Variants in DHRSX observed in about 807,000 individuals in gnomAD.
DHRSX encodes the protein polyprenol dehydrogenase.
In DHRSX, 31 loss-of-function variants were observed where a neutral mutation model predicts 34.0. That is an observed-to-expected ratio of 0.91 (90% confidence interval 0.69 to 1.23). DHRSX has a LOEUF of 1.23. Ranked by LOEUF, DHRSX falls within the 50% of genes most tolerant of loss-of-function variation. The pLI, the probability that DHRSX is intolerant of heterozygous loss-of-function variation, is 0.00. For synonymous variants in DHRSX, 201 were observed against 183.8 expected, an observed-to-expected ratio of 1.09 and a Z score of -0.76; for missense variants, 414 against 428.1, an observed-to-expected ratio of 0.97 and a Z score of 0.29.
Position 2,247,020 on chromosome X carries a change from C to G in DHRSX, c.597-3790G>C, listed in dbSNP as rs767400915. On this transcript the variant is annotated intron_variant, in intron 5 of 6. Transcript: ENST00000334651. ...CTGGAGTGCAGTGGCGCCATCTCAG[C>G]TCACTGCAACCTCTGCCTCCTAGGT... 2.0e-5 allele frequency among the ~76,000 whole-genome samples: 3 copies of G among 152,150 alleles called. No individual in the cohort carries two copies. The South Asian group carries it at 6.2e-4, about 32-fold the overall frequency.
intron 1 of DHRSX, among the ~76,000 whole-genome samples, chrX:2,484,872 G>C (rs1273059992): frequency 7.3e-6 from 1 of 136,132 alleles, no homozygotes; most frequent in Admixed American, 7.3e-5. Context: ...CTGCACTCAC[G>C]AGCAAATGAA....
intron 1 of DHRSX, chrX:2,490,664 G>A: frequency 6.2e-7 from 1 of 1,613,958 alleles, no homozygotes; most frequent in Non-Finnish European, 8.5e-7. Context: ...CTTGGCGCGG[G>A]GGTGGGCCAC....
At chrX:2,259,321 G>GATATAT (rs1569480892) in intron 5 of DHRSX, among the ~76,000 whole-genome samples, 5 of 145,704 alleles carry the variant, frequency 3.4e-5, no homozygotes, top group African/African-American at 1.0e-4. Context: ...TAGATATATA[G>GATATAT]ATAGATATAG....
intron 6 of DHRSX, among the ~76,000 whole-genome samples, chrX:2,231,858 T>C (rs2015895046): frequency 6.7e-6 from 1 of 149,966 alleles, no homozygotes; most frequent in East Asian, 2.0e-4. Flanking sequence ...CTCCCTCTTC[T>C]TCCTCCTCCA....
chrX:2,335,390 AG>A lies in DHRSX; in HGVS notation c.287-43788del, dbSNP rs1388448156. The stretch of plus-strand genomic sequence containing the variant: ...AACACGGGGACGACTCGAAGTGGGG[AG>A]GGGGCTTCCAGGTCATAGGTGGATA... On this transcript the variant is annotated intron_variant, in intron 3 of 6. Coordinates refer to ENST00000334651, the MANE Select transcript of DHRSX (RefSeq NM_145177.3). Among the ~76,000 whole-genome samples, 31 of 151,710 alleles carry A rather than the reference AG, an allele frequency of 2.0e-4. No individual in the cohort carries two copies. In the Admixed American group the frequency reaches 2.1e-3, roughly 10 times the overall value.
chrX:2,292,195 T>A (rs2041874826), intron 3 of DHRSX, among the ~76,000 whole-genome samples: 1 of 152,204 alleles, frequency 6.6e-6, no homozygotes, highest in African/African-American at 2.4e-5. Context: ...TGATGTTTTG[T>A]GAGAGCGCCT....
intron 4 of DHRSX, among the ~76,000 whole-genome samples, chrX:2,268,650 G>T (rs747846904): frequency 7.2e-4 from 109 of 152,332 alleles, no homozygotes; most frequent in Middle Eastern, 6.8e-3. Context: ...ACATGTGCAT[G>T]AGTTTGCATG....
intron 5 of DHRSX, among the ~76,000 whole-genome samples, chrX:2,257,101 G>A (rs112467466): frequency 1.5e-4 from 23 of 152,214 alleles, no homozygotes; most frequent in Non-Finnish European, 2.5e-4. Flanking sequence ...GATTACAGGT[G>A]TGCACCCCCA....
intron 3 of DHRSX, among the ~76,000 whole-genome samples, chrX:2,311,234 G>A (rs1809993008): frequency 6.6e-6 from 1 of 151,988 alleles, no homozygotes; most frequent in South Asian, 2.1e-4. Context: ...GGGAGAGAAA[G>A]AGAGAGAGAC....
chrX:2,335,669 G>C (rs2042550289), intron 3 of DHRSX, among the ~76,000 whole-genome samples: 1 of 151,926 alleles, frequency 6.6e-6, no homozygotes, highest in African/African-American at 2.4e-5. Flanking sequence ...GGCCAGGATG[G>C]TCTTGATCTC....
At chrX:2,458,995 C>G (rs1353667466) in intron 1 of DHRSX, among the ~76,000 whole-genome samples, 2 of 151,786 alleles carry the variant, frequency 1.3e-5, no homozygotes, top group Non-Finnish European at 2.9e-5. Flanking sequence ...AAAAATTAAC[C>G]AGGTGTGGTG....
chrX:2,289,181 G>A (rs2041839079), intron 4 of DHRSX, among the ~76,000 whole-genome samples: 1 of 149,368 alleles, frequency 6.7e-6, no homozygotes, highest in African/African-American at 2.5e-5. Flanking sequence ...GCAATGGTGT[G>A]GTCTCGGCTC....
chrX:2,375,930 C>T (rs1178234927), intron 3 of DHRSX, among the ~76,000 whole-genome samples: 2 of 136,490 alleles, frequency 1.5e-5, no homozygotes, highest in African/African-American at 5.0e-5. Flanking sequence ...TGCACCCGGC[C>T]GGCTCAGTGG....
chrX:2,277,249 A>AAG (rs753077779), intron 4 of DHRSX, among the ~76,000 whole-genome samples: 3 of 8,484 alleles, frequency 3.5e-4, no homozygotes, highest in Admixed American at 7.9e-4. Flanking sequence ...AAATGGGGGA[A>AAG]AGAGAGAAAG....
intron 5 of DHRSX, among the ~76,000 whole-genome samples, chrX:2,245,696 G>A (rs183604550): frequency 0.024 from 3,560 of 147,088 alleles, 166 homozygotes; most frequent in African/African-American, 0.085. Flanking sequence ...AGTGGCTCAT[G>A]CCTGTAATCT....
chrX:2,368,708 G>C (rs755998266), intron 3 of DHRSX, among the ~76,000 whole-genome samples: 8 of 152,060 alleles, frequency 5.3e-5, no homozygotes, highest in African/African-American at 1.4e-4. Context: ...AAATTAGCCA[G>C]GCATGGTGAC....
At position 2,227,591 on chromosome X, in the gene DHRSX, AAAG is replaced by A. The variant is rs968967701; in HGVS notation, c.805-6365_805-6363del. On this transcript the variant is annotated intron_variant, in intron 6 of 6. Transcript: ENST00000334651. ...AGAAGGGAGGAAGGGAAGGATGAAAAAAGAAAAAAAAACAGGAAGGAAGCAAAG... is the reference window on the plus strand; with the variant it reads ...AGAAGGGAGGAAGGGAAGGATGAAAAAAAAAAAAACAGGAAGGAAGCAAAG... Among the ~76,000 whole-genome samples, 9 of 133,156 alleles carry A rather than the reference AAAG, an allele frequency of 6.8e-5. No homozygotes were observed. The South Asian group carries it at 7.8e-4, about 11-fold the overall frequency. The allele number at this position is 133,156 out of a possible 152,430, so 87.4% of individuals were successfully genotyped here.
chrX:2,463,274 C>G (rs28655874), intron 1 of DHRSX, among the ~76,000 whole-genome samples: 27,624 of 152,092 alleles, frequency 0.18, 3,601 homozygotes, highest in African/African-American at 0.37. Flanking sequence ...TGAGATCACA[C>G]CACTGCACTC....
At chrX:2,417,715 G>A (rs2043714847) in intron 2 of DHRSX, among the ~76,000 whole-genome samples, 2 of 151,690 alleles carry the variant, frequency 1.3e-5, no homozygotes, top group Non-Finnish European at 2.9e-5. Context: ...ATCTGATCCA[G>A]CTAGATCTCA....
Sources: allele counts gnomAD v4.1 joint callset (sites outside exome capture counted in the v4.1 genomes callset), GRCh38; gene constraint gnomAD v4.1.1; transcripts MANE v1.5; gene names NCBI Gene and HGNC (gene_info 2026-07-23, HGNC 2026-07-21).